The following PIP5K1C variants were observed in gnomAD, a reference collection of about 807,000 sequenced individuals.
PIP5K1C encodes phosphatidylinositol-4-phosphate 5-kinase type 1 gamma.
In PIP5K1C, 45 loss-of-function variants were observed where a neutral mutation model predicts 80.1. The observed-to-expected ratio is 0.56, with a 90% CI of 0.44 to 0.72. The LOEUF (loss-of-function observed/expected upper bound fraction) is 0.72. Among genes scored for constraint, PIP5K1C ranks in the 30% least tolerant of loss-of-function variants. The pLI, the probability that PIP5K1C is intolerant of heterozygous loss-of-function variation, is 0.00. For synonymous variants in PIP5K1C, 498 were observed against 420.1 expected, an observed-to-expected ratio of 1.19 and a Z score of -2.27; for missense variants, 753 against 954.6, an observed-to-expected ratio of 0.79 and a Z score of 2.78.
At chr19:3,672,187 C>T (rs1016611258) in intron 1 of PIP5K1C, among the ~76,000 whole-genome samples, 1 of 152,244 alleles carries the variant, frequency 6.6e-6, no homozygotes, top group Admixed American at 6.5e-5. Flanking sequence ...CTATAAAGTG[C>T]GGCTGAAGCC....
chr19:3,685,682 A>C (rs1240027785), intron 1 of PIP5K1C, among the ~76,000 whole-genome samples: 3 of 151,598 alleles, frequency 2.0e-5, no homozygotes, highest in Middle Eastern at 3.2e-3. Context: ...GTGAGCTGAG[A>C]TCATGCCACT....
At position 3,637,228 on chromosome 19, in the gene PIP5K1C, AGGGGCTCGCT is replaced by A; in HGVS notation, c.1920+1646_1920+1655del. 1 of 1,439,558 alleles carries A rather than the reference AGGGGCTCGCT, an allele frequency of 6.9e-7. No homozygotes were observed. Among genetic ancestry groups the A allele is most frequent in the Non-Finnish European group, 9.1e-7 (1 of 1,100,794 alleles). 89.2% of individuals were successfully genotyped at this position (1,439,558 alleles called of 1,614,324 possible). On this transcript the variant is annotated intron_variant, in intron 16 of 17. Transcript: ENST00000335312. This position sits in a 1 kb window ranked among gnomAD's most constrained non-coding sequence, Gnocchi z 7.0. ...GAGAGGGCTGGGTCCAGGGGCAGAG[AGGGGCTCGCT>A]GGGGTCTGGCCGGGGTCCGAAGCAG...
chr19:3,642,391 G>A (rs151023847), intron 14 of PIP5K1C, among the ~76,000 whole-genome samples: 1 of 152,368 alleles, frequency 6.6e-6, no homozygotes, highest in Non-Finnish European at 1.5e-5. Context: ...AGGACGGCAC[G>A]CAGGCGTGAC....
chr19:3,669,586 C>T (rs1035225753), intron 1 of PIP5K1C: 2 of 152,246 alleles, frequency 1.3e-5, no homozygotes, highest in African/African-American at 4.8e-5. Context: ...AAGGCGGGAG[C>T]CCTTCTGTTT....
intron 16 of PIP5K1C, among the ~76,000 whole-genome samples, chr19:3,635,213 G>A (rs1287749215): frequency 6.6e-6 from 1 of 152,376 alleles, no homozygotes; most frequent in East Asian, 1.9e-4. Flanking sequence ...CACACAGCAC[G>A]TGGGCAGGGA....
intron 1 of PIP5K1C, among the ~76,000 whole-genome samples, chr19:3,684,298 C>A (rs997412961): frequency 6.6e-6 from 1 of 152,236 alleles, no homozygotes; most frequent in East Asian, 1.9e-4. Context: ...CATCATCCAG[C>A]GCACAATCTC....
At chr19:3,646,137 G>C (rs1200816228) in intron 10 of PIP5K1C, 79 bp from the exon 11 acceptor site, 1 of 840,318 alleles carries the variant, frequency 1.2e-6, no homozygotes, top group African/African-American at 1.7e-5. Flanking sequence ...GACAGACGCT[G>C]TATGTGTGTG....
At chr19:3,643,618 G>C (rs566475575) in intron 12 of PIP5K1C, among the ~76,000 whole-genome samples, 1 of 151,424 alleles carries the variant, frequency 6.6e-6, no homozygotes, top group African/African-American at 2.4e-5. Flanking sequence ...GCCTGGCCCC[G>C]TCCCCTCTCC....
chr19:3,648,727 G>A lies in PIP5K1C; in HGVS notation c.1128-19C>T, dbSNP rs1240468303. 1 of 1,608,402 alleles carries A rather than the reference G, an allele frequency of 6.2e-7. No homozygotes were observed. The highest frequency in any genetic ancestry group is 8.5e-7 in the Non-Finnish European group (1 of 1,175,822). On this transcript the variant is annotated intron_variant, in intron 8 of 17. Coordinates refer to ENST00000335312, the MANE Select transcript of PIP5K1C (RefSeq NM_012398.3). The surrounding 1 kb of genome is among the most constrained non-coding windows in gnomAD (Gnocchi z 4.3). Reference sequence around the variant, plus strand: ...GCCCATCCTGGGGAGAGAGGCCGAGGGTACCATCAGCATCCCGCAGAGCTG... The same window carrying A: ...GCCCATCCTGGGGAGAGAGGCCGAGAGTACCATCAGCATCCCGCAGAGCTG...
At position 3,633,035 on chromosome 19, in the gene PIP5K1C, G is replaced by C. The variant is rs984008986; in HGVS notation, c.*132C>G. On this transcript the variant is annotated 3_prime_UTR_variant, in exon 18 of 18. Transcript: ENST00000335312. ...GCCCGGCCGTCGGCATCCGTGCAGG[G>C]GGAGGACGAGGTCCGGTGGGGCGGC... The C allele has an allele frequency of 1.5e-6, 1 of 648,070 alleles. No homozygotes were observed. Among genetic ancestry groups the C allele is most frequent in the African/African-American group, 1.8e-5 (1 of 55,400 alleles). 40.1% of individuals were successfully genotyped at this position (648,070 alleles called of 1,614,324 possible). A position where few individuals can be genotyped will look rare whatever the true frequency, so the allele number is the denominator to read the frequency against.
chr19:3,640,599 A>G (rs573706707), intron 15 of PIP5K1C, among the ~76,000 whole-genome samples: 191 of 152,286 alleles, frequency 1.3e-3, no homozygotes, highest in Non-Finnish European at 2.2e-3. Context: ...AAAAAAACAG[A>G]TATTTCTTTT....
chr19:3,635,137 G>A (rs895976929), intron 16 of PIP5K1C, among the ~76,000 whole-genome samples: 1 of 152,252 alleles, frequency 6.6e-6, no homozygotes, highest in African/African-American at 2.4e-5. Context: ...TGAAAGAACT[G>A]GCCCGCAGGG....
chr19:3,654,315 G>T (rs555157916), intron 6 of PIP5K1C, among the ~76,000 whole-genome samples: 16 of 152,350 alleles, frequency 1.1e-4, no homozygotes, highest in South Asian at 2.1e-4. Context: ...TGAAGCAACA[G>T]CGCCCCCTGC....
intron 1 of PIP5K1C, among the ~76,000 whole-genome samples, chr19:3,670,573 C>A (rs75193754): frequency 0.01 from 1,568 of 152,362 alleles, 25 homozygotes; most frequent in African/African-American, 0.036. Flanking sequence ...AGAACAAACG[C>A]CTGTTCAAGG....
chr19:3,656,291 C>T, intron 6 of PIP5K1C, 114 bp downstream of exon 6: 1 of 1,228,214 alleles, frequency 8.1e-7, no homozygotes, highest in Non-Finnish European at 1.2e-6. Context: ...CAAGATGCCT[C>T]TCACCACGCC....
Position 3,653,573 on chromosome 19 carries a change from G to A in PIP5K1C, c.638C>T (p.Pro213Leu), listed in dbSNP as rs1460664883. 4 of 1,608,362 alleles carry A rather than the reference G, an allele frequency of 2.5e-6. No individual in the cohort carries two copies. The highest frequency in any genetic ancestry group is 3.4e-6 in the Non-Finnish European group (4 of 1,175,514). ...ATAGAACTTGGGCAGCAGCGTCCGCGGGTTCTGGTTGAGGTTCTGCCGGGG... is the reference window on the plus strand; with the variant it reads ...ATAGAACTTGGGCAGCAGCGTCCGCAGGTTCTGGTTGAGGTTCTGCCGGGG... ...PGYYMNLNQN[P>L]RTLLPKFYGL... is the part of the protein sequence containing the mutation. Residue 213 changes from proline (P) to leucine (L), a missense_variant, in exon 7 of 18, where the codon CCG becomes CTG. Coordinates refer to ENST00000335312, the MANE Select transcript of PIP5K1C (RefSeq NM_012398.3).
At position 3,637,214 on chromosome 19, in the gene PIP5K1C, G is replaced by A. The variant is rs897998875; in HGVS notation, c.1920+1670C>T. The A allele has an allele frequency of 7.0e-7, 1 of 1,438,132 alleles. No homozygotes were observed. The highest frequency in any genetic ancestry group is 2.5e-5 in the East Asian group (1 of 39,960). 89.1% of individuals were successfully genotyped at this position (1,438,132 alleles called of 1,614,324 possible). On this transcript the variant is annotated intron_variant, in intron 16 of 17. Transcript: ENST00000335312. The surrounding 1 kb of genome is among the most constrained non-coding windows in gnomAD (Gnocchi z 7.0). ...AGACACCCTGACACGAGAGGGCTGG[G>A]TCCAGGGGCAGAGAGGGGCTCGCTG... is the stretch of plus-strand genomic sequence containing the variant.
In PIP5K1C at chr19:3,637,638, C is replaced by G. The variant is rs2033754685; in HGVS notation, c.1920+1246G>C. ...ACTGGACGGGGCGGGCCGGGTGGGC[C>G]GGAGGAGGAAGGAAAACAGAGGACA... On this transcript the variant is annotated intron_variant, in intron 16 of 17. Coordinates refer to ENST00000335312, the MANE Select transcript of PIP5K1C (RefSeq NM_012398.3). This position sits in a 1 kb window ranked among gnomAD's most constrained non-coding sequence, Gnocchi z 7.0. 2.0e-6 allele frequency: 3 copies of G among 1,515,004 alleles called. No homozygotes were observed. The South Asian group carries it at 3.7e-5, about 18-fold the overall frequency. 93.8% of individuals were successfully genotyped at this position (1,515,004 alleles called of 1,614,324 possible). A position where few individuals can be genotyped will look rare whatever the true frequency, so the allele number is the denominator to read the frequency against.
chr19:3,659,428 C>T (rs1412092617), intron 5 of PIP5K1C, among the ~76,000 whole-genome samples: 3 of 152,236 alleles, frequency 2.0e-5, no homozygotes, highest in South Asian at 4.1e-4. Context: ...CTAGGTGAGA[C>T]CCAGATGGCC....
Sources: allele counts gnomAD v4.1 joint callset (sites outside exome capture counted in the v4.1 genomes callset), GRCh38; gene constraint gnomAD v4.1.1; non-coding constraint Gnocchi (gnomAD v3.1); transcripts MANE v1.5; gene names NCBI Gene and HGNC (gene_info 2026-07-23, HGNC 2026-07-21).